Variants in SHLD1 observed in about 807,000 individuals in gnomAD.
SHLD1 encodes RINN1-REV7-interacting novel NHEJ regulator 3.
Under a neutral mutation model 5.5 loss-of-function variants are expected in SHLD1, and 3 were observed. That is an observed-to-expected ratio of 0.54 (90% CI 0.25 to 1.40). The LOEUF is 1.40. Ranked by LOEUF, SHLD1 falls within the 40% of genes most tolerant of loss-of-function variation. The pLI is 0.15. For missense variants in SHLD1, 210 were observed against 244.4 expected (o/e 0.86, Z 0.94); for synonymous variants, 92 against 94.3 (o/e 0.98, Z 0.14).
chr20:5,853,347 G>A (rs1218733074), intron 2 of SHLD1, among the ~76,000 whole-genome samples: 2 of 152,186 alleles, frequency 1.3e-5, no homozygotes, highest in African/African-American at 4.8e-5. Context: ...TCGGGAGGCT[G>A]AGGCAGGAGA....
rs144440475 is a variant in SHLD1, at chr20:5,854,180, A to T, written c.179-8844A>T. Among the ~76,000 whole-genome samples, 1,145 of 152,014 alleles carry T rather than the reference A, an allele frequency of 7.5e-3. 9 individuals carry two copies. The highest frequency in any genetic ancestry group is 0.015 in the Admixed American group (230 of 15,270). ...TCTACCATGCCCAGCTAATTTTTGT[A>T]TTTGTAGTACAGATGGGGTTTCACC... is the stretch of plus-strand genomic sequence containing the variant. On this transcript the variant is annotated intron_variant, in intron 2 of 2. Coordinates refer to ENST00000303142, the MANE Select transcript of SHLD1 (RefSeq NM_152504.4).
intron 1 of SHLD1, among the ~76,000 whole-genome samples, chr20:5,763,351 G>A (rs974289046): frequency 6.6e-6 from 1 of 150,520 alleles, no homozygotes; most frequent in Non-Finnish European, 1.5e-5. Flanking sequence ...ATTGTAAAAG[G>A]AAAATAAAAA....
intron 1 of SHLD1, 76 bp from the exon 2 acceptor site, chr20:5,772,786 T>C: frequency 7.6e-7 from 1 of 1,312,748 alleles, no homozygotes; most frequent in South Asian, 1.5e-5. Context: ...ATAAAATTCT[T>C]CAAGCTCTGT....
At chr20:5,819,529 A>G (rs1187134890) in intron 2 of SHLD1, among the ~76,000 whole-genome samples, 1 of 152,168 alleles carries the variant, frequency 6.6e-6, no homozygotes, top group African/African-American at 2.4e-5. Flanking sequence ...GTCATATTAA[A>G]ACATCATGTA....
chr20:5,849,698 G>A (rs539749672), intron 2 of SHLD1, among the ~76,000 whole-genome samples: 3 of 152,260 alleles, frequency 2.0e-5, no homozygotes, highest in East Asian at 1.9e-4. Context: ...GGTGGCTCAC[G>A]CCTGTAATCC....
intron 2 of SHLD1, among the ~76,000 whole-genome samples, chr20:5,778,282 AG>A (rs377126547): frequency 4.9e-5 from 6 of 123,646 alleles, no homozygotes; most frequent in African/African-American, 1.6e-4. Context: ...ATGCCTGGCT[AG>A]TTTTTTTTTT....
Position 5,854,283 on chromosome 20 carries a change from G to A in SHLD1, c.179-8741G>A, listed in dbSNP as rs1001553937. On this transcript the variant is annotated intron_variant, in intron 2 of 2. Transcript: ENST00000303142. ...GGCCTCCCAAAGTGCTAGGATTACA[G>A]GCGTGAGCCACCACACCCGGCCTTA... Among the ~76,000 whole-genome samples, 31 of 152,166 alleles carry A rather than the reference G, an allele frequency of 2.0e-4. 1 individual carries two copies. The highest frequency in any genetic ancestry group is 1.8e-3 in the Admixed American group (27 of 15,272).
At chr20:5,785,547 G>T (rs964860080) in intron 2 of SHLD1, among the ~76,000 whole-genome samples, 6 of 152,134 alleles carry the variant, frequency 3.9e-5, no homozygotes, top group African/African-American at 1.4e-4. Flanking sequence ...TGTAATCCCA[G>T]CACTTTGGGA....
chr20:5,779,976 T>G (rs1366902166), intron 2 of SHLD1, among the ~76,000 whole-genome samples: 3 of 138,058 alleles, frequency 2.2e-5, no homozygotes, highest in East Asian at 4.1e-4. Context: ...ATTTCTGTTT[T>G]TTTTTTTTTT....
intron 2 of SHLD1, among the ~76,000 whole-genome samples, chr20:5,841,235 A>T (rs1448739168): frequency 6.6e-6 from 1 of 151,466 alleles, no homozygotes; most frequent in Non-Finnish European, 1.5e-5. Flanking sequence ...ATATTTTTTT[A>T]ATTGGAATAC....
chr20:5,813,945 CTTTTTTTTT>C lies in SHLD1; in HGVS notation c.178+40919_178+40927del, dbSNP rs143110037. On this transcript the variant is annotated intron_variant, in intron 2 of 2. Coordinates refer to ENST00000303142, the MANE Select transcript of SHLD1 (RefSeq NM_152504.4). ...CTCAAACACCTTTTTCCTTTTCTTT[CTTTTTTTTT>C]TTTTTTTTTTTTTTTTGAGACAGGG... 9.8e-3 allele frequency among the ~76,000 whole-genome samples: 781 copies of C among 80,014 alleles called. 3 individuals carry two copies. The highest frequency in any genetic ancestry group is 0.035 in the African/African-American group (755 of 21,300). The allele number at this position is 80,014 out of a possible 152,430, so 52.5% of individuals were successfully genotyped here. A position where few individuals can be genotyped will look rare whatever the true frequency, so the allele number is the denominator to read the frequency against.
intron 2 of SHLD1, among the ~76,000 whole-genome samples, chr20:5,853,880 G>A (rs546068233): frequency 4.7e-5 from 7 of 149,780 alleles, no homozygotes; most frequent in African/African-American, 9.9e-5. Context: ...TGGCTCTGTC[G>A]CCTAGGCTGG....
intron 2 of SHLD1, among the ~76,000 whole-genome samples, chr20:5,849,831 C>T (rs1047399520): frequency 3.3e-5 from 5 of 150,526 alleles, no homozygotes; most frequent in South Asian, 2.1e-4. Flanking sequence ...CGGTGGCGGG[C>T]GCCTGTAGTC....
chr20:5,825,283 C>T (rs566560132), intron 2 of SHLD1, among the ~76,000 whole-genome samples: 3 of 152,148 alleles, frequency 2.0e-5, no homozygotes, highest in South Asian at 2.1e-4. Flanking sequence ...AGAATCAGGT[C>T]GAGGCCAGTC....
chr20:5,817,523 A>AT (rs1376825811), intron 2 of SHLD1, among the ~76,000 whole-genome samples: 1 of 149,110 alleles, frequency 6.7e-6, no homozygotes, highest in African/African-American at 2.5e-5. Flanking sequence ...CACTAGGGAG[A>AT]TTTTTTGAAT....
At chr20:5,817,115 T>G (rs2087540207) in intron 2 of SHLD1, among the ~76,000 whole-genome samples, 1 of 152,148 alleles carries the variant, frequency 6.6e-6, no homozygotes, top group Non-Finnish European at 1.5e-5. Flanking sequence ...ATTTATAATA[T>G]TAGCTGCTTT....
chr20:5,820,693 T>C (rs2122410467), intron 2 of SHLD1, among the ~76,000 whole-genome samples: 1 of 152,372 alleles, frequency 6.6e-6, no homozygotes, highest in South Asian at 2.1e-4. Context: ...TTCAGACTGA[T>C]ATTAAATGAT....
chr20:5,831,411 C>T (rs1470977896), intron 2 of SHLD1, among the ~76,000 whole-genome samples: 5 of 152,140 alleles, frequency 3.3e-5, no homozygotes, highest in Admixed American at 6.5e-5. Flanking sequence ...CATAGTTTAG[C>T]GGTTAATACT....
At chr20:5,766,045 A>C (rs1395534415) in intron 1 of SHLD1, among the ~76,000 whole-genome samples, 1 of 152,078 alleles carries the variant, frequency 6.6e-6, no homozygotes, top group Non-Finnish European at 1.5e-5. Flanking sequence ...GATTCCATTC[A>C]TTTCATATTG....
Sources: gnomAD v4.1 joint callset for allele counts (sites outside exome capture counted in the v4.1 genomes callset) on GRCh38, gnomAD v4.1.1 for gene constraint, MANE v1.5 for transcripts, NCBI Gene and HGNC (gene_info 2026-07-23, HGNC 2026-07-21) for gene names.